Variants in ST8SIA5 observed in about 807,000 individuals in gnomAD.
ST8SIA5 encodes ST8 alpha-N-acetyl-neuraminide alpha-2,8-sialyltransferase 5, also known as alpha-2,8-sialyltransferase 8E.
A neutral mutation model predicts 40.2 loss-of-function variants in ST8SIA5; 24 were observed. The ratio of observed to expected loss-of-function variants is 0.60; its 90% CI spans 0.43 to 0.84. The LOEUF is 0.84. Among genes scored for constraint, ST8SIA5 ranks in the 40% least tolerant of loss-of-function variants. The pLI is 0.00. For synonymous variants in ST8SIA5, 198 were observed against 201.8 expected (o/e 0.98, Z 0.16); for missense variants, 465 against 498.5 (o/e 0.93, Z 0.64).
intron 1 of ST8SIA5, among the ~76,000 whole-genome samples, chr18:46,755,649 C>T (rs2040235950): frequency 6.6e-6 from 1 of 152,110 alleles, no homozygotes; most frequent in Admixed American, 6.5e-5. Context: ...TGAGTGACAC[C>T]TCCTACTGCT....
In ST8SIA5 at chr18:46,680,356, C is replaced by T; in HGVS notation, c.817G>A (p.Ala273Thr). Reference protein sequence around the residue: ...YVLDDFESPQAVYYFHPQYLV... With the variant: ...YVLDDFESPQTVYYFHPQYLV... The stretch of plus-strand genomic sequence containing the variant: ...TACTGCGGATGGAAGTAGTAGACAG[C>T]TTGCGGCGATTCGAAGTCGTCCAGC... The change falls in exon 7 of 7, where the codon GCT (alanine) becomes ACT (threonine). Residue 273 changes from alanine (A) to threonine (T), a missense_variant. By Grantham distance (58) the Ala-to-Thr change is moderately conservative (BLOSUM62 0). Coordinates refer to ENST00000315087, the MANE Select transcript of ST8SIA5 (RefSeq NM_013305.6). The T allele has an allele frequency of 1.2e-6, 2 of 1,614,226 alleles. No individual in the cohort carries two copies. The highest frequency in any genetic ancestry group is 2.2e-5 in the South Asian group (2 of 91,086).
At position 46,720,791 on chromosome 18, in the gene ST8SIA5, G is replaced by A. The variant is rs1475358158; in HGVS notation, c.132-16127C>T. Reference sequence around the variant, plus strand: ...TCCCTGCAATGAGTGTGCTCAGCCTGAGAATATTCCATTTTTATTCATTCA... The same window carrying A: ...TCCCTGCAATGAGTGTGCTCAGCCTAAGAATATTCCATTTTTATTCATTCA... On this transcript the variant is annotated intron_variant, in intron 1 of 6. Coordinates refer to ENST00000315087, the MANE Select transcript of ST8SIA5 (RefSeq NM_013305.6). 3.9e-5 allele frequency among the ~76,000 whole-genome samples: 6 copies of A among 152,250 alleles called. No individual in the cohort carries two copies. In the East Asian group the frequency reaches 1.2e-3, roughly 29 times the overall value.
chr18:46,727,406 T>G (rs1012062020), intron 1 of ST8SIA5, among the ~76,000 whole-genome samples: 1 of 152,192 alleles, frequency 6.6e-6, no homozygotes, highest in Non-Finnish European at 1.5e-5. Flanking sequence ...CATCAGAGGA[T>G]GGGGAAAGCT....
At chr18:46,721,482 C>T (rs1275268089) in intron 1 of ST8SIA5, 26 of 1,534,638 alleles carry the variant, frequency 1.7e-5, no homozygotes, top group African/African-American at 6.8e-5. Context: ...GGCAAGAAAA[C>T]GAGGCAGTCG....
intron 1 of ST8SIA5, among the ~76,000 whole-genome samples, chr18:46,736,308 T>A (rs2040034010): frequency 6.6e-6 from 1 of 152,100 alleles, no homozygotes; most frequent in Admixed American, 6.6e-5. Flanking sequence ...GGGCACACAA[T>A]GGATGCTTTC....
rs918718678 is a variant in ST8SIA5 at position 46,667,850 on chromosome 18, A to G, written c.*12192T>C. Reference sequence around the variant, plus strand: ...TGAACCATTTGACTGGTTTTATTAGATAGAAATTGAGGGCCGTTCAAACAC... The same window carrying G: ...TGAACCATTTGACTGGTTTTATTAGGTAGAAATTGAGGGCCGTTCAAACAC... On this transcript the variant is annotated 3_prime_UTR_variant, in exon 7 of 7. Transcript: ENST00000315087. 2 of 152,216 alleles carry G rather than the reference A, an allele frequency of 1.3e-5. No individual in the cohort carries two copies. The highest frequency in any genetic ancestry group is 1.5e-5 in the Non-Finnish European group (1 of 68,052). 9.4% of individuals were successfully genotyped at this position (152,216 alleles called of 1,614,324 possible).
At chr18:46,687,417 G>A (rs2144471312) in intron 4 of ST8SIA5, among the ~76,000 whole-genome samples, 1 of 152,316 alleles carries the variant, frequency 6.6e-6, no homozygotes. Context: ...GGTGAGCCCT[G>A]CTGTCTGTCT....
At chr18:46,725,984 T>TATATATATATCCTGG (rs2039920187) in intron 1 of ST8SIA5, among the ~76,000 whole-genome samples, 2 of 43,676 alleles carry the variant, frequency 4.6e-5, no homozygotes, top group African/African-American at 1.8e-4. Flanking sequence ...TATATATATA[T>TATATATATATCCTGG]ATATATATAT....
rs2039905815 is a variant in ST8SIA5, at chr18:46,725,305, A to G, written c.132-20641T>C. Among the ~76,000 whole-genome samples the G allele has an allele frequency of 7.2e-5, 11 of 152,316 alleles. No individual in the cohort carries two copies. In the South Asian group the frequency reaches 2.1e-3, roughly 29 times the overall value. On this transcript the variant is annotated intron_variant, in intron 1 of 6. Transcript: ENST00000315087. ...TCACAAACATATCAAATCAATGTCC[A>G]GCCCAGGAGTCTGCTACGAAACTCA... is the stretch of plus-strand genomic sequence containing the variant.
Position 46,669,126 on chromosome 18 carries a change from C to G in ST8SIA5, c.*10916G>C, listed in dbSNP as rs190699867. 2.6e-4 allele frequency: 39 copies of G among 152,686 alleles called. No individual in the cohort carries two copies. Among genetic ancestry groups the G allele is most frequent in the African/African-American group, 8.9e-4 (37 of 41,602 alleles). The allele number at this position is 152,686 out of a possible 1,614,324, so 9.5% of individuals were successfully genotyped here. A position where few individuals can be genotyped will look rare whatever the true frequency, so the allele number is the denominator to read the frequency against. On this transcript the variant is annotated 3_prime_UTR_variant, in exon 7 of 7. Transcript: ENST00000315087. ...CTTGGCCCCCAAAGAGGAATGAATA[C>G]GAACAGGTCCCTCCACACAGGTGCT...
At chr18:46,693,875 C>T (rs1286162338) in intron 2 of ST8SIA5, among the ~76,000 whole-genome samples, 1 of 152,218 alleles carries the variant, frequency 6.6e-6, no homozygotes, top group Non-Finnish European at 1.5e-5. Context: ...TGTCACAGAT[C>T]CGCTTTAGCA....
At chr18:46,689,187 C>T (rs2039478439) in intron 3 of ST8SIA5, among the ~76,000 whole-genome samples, 1 of 152,212 alleles carries the variant, frequency 6.6e-6, no homozygotes, top group African/African-American at 2.4e-5. Context: ...AGTCCCCTCC[C>T]TTTTCAACGC....
In ST8SIA5 at chr18:46,676,769, G is replaced by A. The variant is rs1038002939; in HGVS notation, c.*3273C>T. The A allele has an allele frequency of 1.3e-5, 2 of 152,250 alleles. No homozygotes were observed. Among genetic ancestry groups the A allele is most frequent in the Non-Finnish European group, 2.9e-5 (2 of 68,050 alleles). The allele number at this position is 152,250 out of a possible 1,614,324, so 9.4% of individuals were successfully genotyped here. On this transcript the variant is annotated 3_prime_UTR_variant, in exon 7 of 7. Coordinates refer to ENST00000315087, the MANE Select transcript of ST8SIA5 (RefSeq NM_013305.6). ...GATTTCCCTTGAATAATAATTCAAT[G>A]GGTAGTCTGCACTGCATGGTGGCGT...
At chr18:46,680,581 T>G in intron 6 of ST8SIA5, 71 bp from the exon 7 acceptor site, 10 of 1,446,632 alleles carry the variant, frequency 6.9e-6, no homozygotes, top group Non-Finnish European at 9.2e-6. Context: ...TCCCCACCCT[T>G]GCACCCTGGG....
intron 1 of ST8SIA5, among the ~76,000 whole-genome samples, chr18:46,753,768 C>T (rs2040216435): frequency 6.6e-6 from 1 of 152,134 alleles, no homozygotes. Context: ...GCAGCACTCT[C>T]CTCTCCCCAG....
At chr18:46,756,281 A>T in intron 1 of ST8SIA5, 97 bp downstream of exon 1, 1 of 1,519,014 alleles carries the variant, frequency 6.6e-7, no homozygotes, top group Non-Finnish European at 8.9e-7. Flanking sequence ...ACGGCCACTC[A>T]CCCCGGGGCG....
chr18:46,752,665 C>T (rs554325270), intron 1 of ST8SIA5, among the ~76,000 whole-genome samples: 5 of 152,318 alleles, frequency 3.3e-5, no homozygotes, highest in African/African-American at 1.2e-4. Context: ...AGCCCAGGGT[C>T]CAAAGAAGTA....
Position 46,674,909 on chromosome 18 carries a change from G to C in ST8SIA5, c.*5133C>G, listed in dbSNP as rs537528922. On this transcript the variant is annotated 3_prime_UTR_variant, in exon 7 of 7. Coordinates refer to ENST00000315087, the MANE Select transcript of ST8SIA5 (RefSeq NM_013305.6). Reference sequence around the variant, plus strand: ...AAGGTGCCTGGAATAGTATGGGATAGGGCAGGGAGGTGGCAGGAGGATCTC... The same window carrying C: ...AAGGTGCCTGGAATAGTATGGGATACGGCAGGGAGGTGGCAGGAGGATCTC... 6.6e-6 allele frequency: 1 copy of C among 152,286 alleles called. No individual in the cohort carries two copies. Among genetic ancestry groups the C allele is most frequent in the Non-Finnish European group, 1.5e-5 (1 of 68,120 alleles). 9.4% of individuals were successfully genotyped at this position (152,286 alleles called of 1,614,324 possible). A position where few individuals can be genotyped will look rare whatever the true frequency, so the allele number is the denominator to read the frequency against.
At chr18:46,680,888 C>T (rs1433639308) in intron 6 of ST8SIA5, among the ~76,000 whole-genome samples, 1 of 152,210 alleles carries the variant, frequency 6.6e-6, no homozygotes, top group East Asian at 1.9e-4. Flanking sequence ...TCCCCAAGCT[C>T]CCCAGGGACA....
Sources: allele counts gnomAD v4.1 joint callset (sites outside exome capture counted in the v4.1 genomes callset), GRCh38; gene constraint gnomAD v4.1.1; transcripts MANE v1.5; gene names NCBI Gene and HGNC (gene_info 2026-07-23, HGNC 2026-07-21).